Variants in SYNE1 observed in about 807,000 individuals in gnomAD.
The protein encoded by SYNE1 is spectrin repeat containing nuclear envelope protein 1, also known as nesprin-1.
A neutral mutation model predicts 1,111.0 loss-of-function variants in SYNE1; 616 were observed. The observed-to-expected ratio is 0.55, with a 90% CI of 0.52 to 0.59. The LOEUF is 0.59. Among genes scored for constraint, SYNE1 ranks in the 20% least tolerant of loss-of-function variants. The pLI is 0.00. For synonymous variants in SYNE1, 3,855 were observed against 3,825.8 expected (o/e 1.01, Z -0.28); for missense variants, 10,006 against 10,417.0 (o/e 0.96, Z 1.72).
intron 131 of SYNE1, among the ~76,000 whole-genome samples, chr6:152,161,376 C>T (rs1000451899): frequency 5.4e-5 from 8 of 149,020 alleles, no homozygotes; most frequent in South Asian, 2.1e-4. Flanking sequence ...GATTTTGAAA[C>T]TCTGGCATTA....
At chr6:152,318,774 A>G (rs1376209581) in intron 85 of SYNE1, 89 bp downstream of exon 85, 12 of 1,519,412 alleles carry the variant, frequency 7.9e-6, no homozygotes, top group Non-Finnish European at 1.1e-5. Flanking sequence ...AAGGTTCCTA[A>G]AAGGTTTTTA....
chr6:152,596,129 CCTCTTGTGAT>C (rs1418477513), intron 3 of SYNE1, among the ~76,000 whole-genome samples: 1 of 86,276 alleles, frequency 1.2e-5, no homozygotes, highest in African/African-American at 4.3e-5. Context: ...AAAAAAAAAG[CCTCTTGTGAT>C]CTGTGTCCCT....
At chr6:152,263,427 G>A (rs1224723801) in intron 100 of SYNE1, among the ~76,000 whole-genome samples, 2 of 152,046 alleles carry the variant, frequency 1.3e-5, no homozygotes, top group East Asian at 1.9e-4. Flanking sequence ...GTTTCACTCT[G>A]TCACCCAAGC....
chr6:152,337,149 A>C (rs2096410704), intron 75 of SYNE1, 132 bp from the exon 76 acceptor site: 1 of 807,950 alleles, frequency 1.2e-6, no homozygotes, highest in Non-Finnish European at 1.9e-6. Context: ...ACTCACACAC[A>C]CAAATACATA....
Position 152,465,453 on chromosome 6 carries a change from T to C in SYNE1, c.1737A>G (p.Glu579=), listed in dbSNP as rs199673388. The C allele has an allele frequency of 1.9e-5, 31 of 1,613,150 alleles. No individual in the cohort carries two copies. The East Asian group carries it at 6.2e-4, about 32-fold the overall frequency. ...MYVKADGSVE[E]AENVMKFMNE... ...TCATGAATTTCATCACATTCTCAGCTTCTTCCACTGAAACAGATAAAACCA... is the reference window on the plus strand; with the variant it reads ...TCATGAATTTCATCACATTCTCAGCCTCTTCCACTGAAACAGATAAAACCA... Residue 579 remains glutamate, a synonymous_variant, in exon 18 of 146, where the codon GAA becomes GAG. Coordinates refer to ENST00000367255, the MANE Select transcript of SYNE1 (RefSeq NM_182961.4).
At chr6:152,348,691 A>T (rs2154028518) in intron 72 of SYNE1, among the ~76,000 whole-genome samples, 1 of 151,982 alleles carries the variant, frequency 6.6e-6, no homozygotes, top group African/African-American at 2.4e-5. Flanking sequence ...GTCTCAAAAA[A>T]ATAAAATAAA....
intron 66 of SYNE1, among the ~76,000 whole-genome samples, chr6:152,356,802 T>C (rs181770837): frequency 5.5e-4 from 83 of 152,278 alleles, no homozygotes; most frequent in Non-Finnish European, 1.0e-3. Context: ...AATTAATGCA[T>C]GGTGAAATCA....
intron 132 of SYNE1, 40 bp downstream of exon 132, chr6:152,155,870 G>A (rs370844284): frequency 1.2e-5 from 19 of 1,609,932 alleles, no homozygotes; most frequent in Non-Finnish European, 1.6e-5. Flanking sequence ...TTTCTTTTTG[G>A]TCTTTCCTCT....
intron 87 of SYNE1, chr6:152,316,516 A>T (rs2095726569): frequency 2.9e-6 from 1 of 345,910 alleles, no homozygotes; most frequent in Non-Finnish European, 5.4e-6. Flanking sequence ...ACTTCATTGC[A>T]TCTCTTCACA....
intron 53 of SYNE1, among the ~76,000 whole-genome samples, chr6:152,387,600 A>C (rs1256501367): frequency 2.0e-5 from 3 of 152,188 alleles, no homozygotes; most frequent in Non-Finnish European, 2.9e-5. Context: ...AAAACATGAA[A>C]TAAGAAGTTG....
At chr6:152,151,779 G>A in intron 134 of SYNE1, 89 bp from the exon 135 acceptor site, 1 of 1,547,118 alleles carries the variant, frequency 6.5e-7, no homozygotes. Flanking sequence ...CCAGTGTTCT[G>A]TAAAGTCATT....
intron 3 of SYNE1, among the ~76,000 whole-genome samples, chr6:152,613,635 C>T (rs1441257268): frequency 6.6e-6 from 1 of 152,174 alleles, no homozygotes; most frequent in Non-Finnish European, 1.5e-5. Flanking sequence ...AAAAAAACTA[C>T]TTTAAAGTTT....
intron 3 of SYNE1, among the ~76,000 whole-genome samples, chr6:152,563,921 G>T (rs1350161631): frequency 6.6e-6 from 1 of 152,048 alleles, no homozygotes; most frequent in East Asian, 1.9e-4. Context: ...CACATAGCAA[G>T]TTGCCAAGAG....
chr6:152,530,703 C>T (rs1564668713), intron 4 of SYNE1, among the ~76,000 whole-genome samples: 1 of 151,158 alleles, frequency 6.6e-6, no homozygotes, highest in East Asian at 2.0e-4. Context: ...CTCACTGCAA[C>T]CTCTGCCTCC....
chr6:152,324,747 G>T (rs2096007936), intron 81 of SYNE1, among the ~76,000 whole-genome samples: 1 of 152,192 alleles, frequency 6.6e-6, no homozygotes, highest in South Asian at 2.1e-4. Context: ...CTTGCAGTGA[G>T]CCGAGATGGC....
intron 128 of SYNE1, among the ~76,000 whole-genome samples, chr6:152,184,731 C>T (rs966389069): frequency 5.9e-5 from 9 of 152,024 alleles, no homozygotes; most frequent in African/African-American, 2.2e-4. Flanking sequence ...ATGTTGCTTT[C>T]ATTTTCTTAC....
Position 152,141,253 on chromosome 6 carries a change from T to C in SYNE1, c.25196A>G (p.Glu8399Gly). 1 of 1,614,170 alleles carries C rather than the reference T, an allele frequency of 6.2e-7. No individual in the cohort carries two copies. The highest frequency in any genetic ancestry group is 8.5e-7 in the Non-Finnish European group (1 of 1,180,020). Residue 8399 changes from glutamate to glycine, a missense_variant, in exon 139 of 146, where the codon GAG (glutamate) becomes GGG (glycine). Coordinates refer to ENST00000367255, the MANE Select transcript of SYNE1 (RefSeq NM_182961.4). ...RLEHKLKEEE[E>G]SLPGFVNLHS... is the part of the protein sequence containing the mutation. Reference sequence around the variant, plus strand: ...CAGGTTAACAAAGCCAGGAAGGCTCTCCTCTTCCTCCTTCAGTTTGTGCTC... The same window carrying C: ...CAGGTTAACAAAGCCAGGAAGGCTCCCCTCTTCCTCCTTCAGTTTGTGCTC...
At chr6:152,605,766 T>C (rs1434781690) in intron 3 of SYNE1, among the ~76,000 whole-genome samples, 1 of 152,232 alleles carries the variant, frequency 6.6e-6, no homozygotes, top group Non-Finnish European at 1.5e-5. Context: ...AATGCACATC[T>C]TTAAAGGTAT....
At position 152,231,372 on chromosome 6, in the gene SYNE1, T is replaced by A. The variant is rs759301083; in HGVS notation, c.21039+19A>T. ...GGGGTTTTCATGTAAATCTGGACAG[T>A]GGGAAGCCACTGGCTTACCTTCTCA... On this transcript the variant is annotated intron_variant, in intron 114 of 145. Transcript: ENST00000367255. 8 of 1,613,830 alleles carry A rather than the reference T, an allele frequency of 5.0e-6. No homozygotes were observed. The East Asian group carries it at 1.8e-4, about 36-fold the overall frequency.
Sources: gnomAD v4.1 joint callset for allele counts (sites outside exome capture counted in the v4.1 genomes callset) on GRCh38, gnomAD v4.1.1 for gene constraint, MANE v1.5 for transcripts, NCBI Gene and HGNC (gene_info 2026-07-23, HGNC 2026-07-21) for gene names.